PCBD2: variants seen among roughly 807,000 people sequenced by gnomAD.
PCBD2 encodes pterin-4 alpha-carbinolamine dehydratase 2.
In PCBD2, 12 loss-of-function variants were observed where a neutral mutation model predicts 16.4. The observed-to-expected ratio is 0.73, with a 90% CI of 0.47 to 1.19. PCBD2 has a LOEUF of 1.19. Ranked by LOEUF, PCBD2 falls within the 50% of genes most tolerant of loss-of-function variation. PCBD2 has a pLI of 0.00. For synonymous variants in PCBD2, 58 were observed against 61.8 expected (o/e 0.94, Z 0.29); for missense variants, 138 against 156.8 (o/e 0.88, Z 0.64).
chr5:134,953,386 A>G (rs899371335), intron 2 of PCBD2, among the ~76,000 whole-genome samples: 4 of 149,048 alleles, frequency 2.7e-5, no homozygotes, highest in African/African-American at 9.8e-5. Context: ...TATCGTATAT[A>G]TATATAATAC....
chr5:134,905,316 C>A, intron 1 of PCBD2, 93 bp downstream of exon 1: 1 of 1,107,112 alleles, frequency 9.0e-7, no homozygotes, highest in Non-Finnish European at 1.1e-6. Flanking sequence ...GGGACTGGGG[C>A]GAACCCGGCG....
intron 2 of PCBD2, among the ~76,000 whole-genome samples, chr5:134,939,819 A>G (rs2149537127): frequency 6.6e-6 from 1 of 152,318 alleles, no homozygotes; most frequent in East Asian, 1.9e-4. Flanking sequence ...GAGGTCCTTT[A>G]TGCCAGACAG....
At chr5:134,921,797 C>G (rs1750906826) in intron 2 of PCBD2, among the ~76,000 whole-genome samples, 1 of 152,210 alleles carries the variant, frequency 6.6e-6, no homozygotes, top group Non-Finnish European at 1.5e-5. Flanking sequence ...ATACAGCTGC[C>G]TTCCCTCTAG....
rs889676732 is a variant in PCBD2, at chr5:134,936,149, C to G, written c.217-22891C>G. On this transcript the variant is annotated intron_variant, in intron 2 of 3. Transcript: ENST00000254908. ...TGATGTGGAACCTTGTAAAATATTT[C>G]TTGGCGAATTTTAATGTCTTTTTTG... is the stretch of plus-strand genomic sequence containing the variant. 2.6e-5 allele frequency among the ~76,000 whole-genome samples: 4 copies of G among 152,180 alleles called. No homozygotes were observed. The East Asian group carries it at 7.7e-4, about 29-fold the overall frequency.
chr5:134,941,887 G>A lies in PCBD2; in HGVS notation c.217-17153G>A, dbSNP rs182127632. On this transcript the variant is annotated intron_variant, in intron 2 of 3. Transcript: ENST00000254908. ...TAATCCCAGCACTTTGGGAGGCCGG[G>A]GCGGGTGGATCACGAGGTCAGGAGA... Among the ~76,000 whole-genome samples, 308 of 152,094 alleles carry A rather than the reference G, an allele frequency of 2.0e-3. 18 individuals carry two copies. The East Asian group carries it at 0.051, about 25-fold the overall frequency.
rs1751466869 is a variant in PCBD2 at position 134,960,829 on chromosome 5, T to C, written c.*148T>C. On this transcript the variant is annotated 3_prime_UTR_variant, in exon 4 of 4. Coordinates refer to ENST00000254908, the MANE Select transcript of PCBD2 (RefSeq NM_032151.5). ...TCGCCCAGGCCAGAGTGCAGTGGTA[T>C]GATCTCGGCTCACTGTAACCTCCGC... is the stretch of plus-strand genomic sequence containing the variant. 3.3e-6 allele frequency: 2 copies of C among 608,704 alleles called. No individual in the cohort carries two copies. Among genetic ancestry groups the C allele is most frequent in the African/African-American group, 1.9e-5 (1 of 52,872 alleles). The allele number at this position is 608,704 out of a possible 1,614,324, so 37.7% of individuals were successfully genotyped here.
intron 2 of PCBD2, chr5:134,927,848 G>T (rs1330051078): frequency 2.6e-5 from 7 of 268,732 alleles, no homozygotes; most frequent in Middle Eastern, 1.1e-3. Context: ...TTAGGAGGGG[G>T]GTCGTTAGGG....
At chr5:134,928,442 G>T (rs1451131087) in intron 2 of PCBD2, 1 of 343,340 alleles carries the variant, frequency 2.9e-6, no homozygotes, top group African/African-American at 2.1e-5. Context: ...CAGACTTAGG[G>T]CTAGGATGAT....
intron 1 of PCBD2, among the ~76,000 whole-genome samples, chr5:134,906,194 ATTTTTTTTTTTTTTTT>A: frequency 1.5e-5 from 1 of 66,522 alleles, no homozygotes; most frequent in African/African-American, 6.8e-5. Flanking sequence ...TAATAGAAGA[ATTTTTTTTTTTTTTTT>A]TTTTTTTTTT....
At chr5:134,910,540 C>A in intron 2 of PCBD2, 74 bp downstream of exon 2, 2 of 1,509,610 alleles carry the variant, frequency 1.3e-6, no homozygotes, top group Non-Finnish European at 1.8e-6. Flanking sequence ...TCTGATTCTG[C>A]CAGTTGTCTG....
In PCBD2 at chr5:134,952,648, T is replaced by A. The variant is rs571434320; in HGVS notation, c.217-6392T>A. On this transcript the variant is annotated intron_variant, in intron 2 of 3. Coordinates refer to ENST00000254908, the MANE Select transcript of PCBD2 (RefSeq NM_032151.5). ...ACAAGACCCCATTTCTACAAAAATT[T>A]AAAAAAATTAGCCAGGCATAATGGC... is the stretch of plus-strand genomic sequence containing the variant. Among the ~76,000 whole-genome samples the A allele has an allele frequency of 5.1e-3, 778 of 151,962 alleles. 11 individuals carry two copies. Among genetic ancestry groups the A allele is most frequent in the African/African-American group, 0.017 (695 of 41,438 alleles).
At chr5:134,952,729 C>T (rs887905045) in intron 2 of PCBD2, among the ~76,000 whole-genome samples, 5 of 151,858 alleles carry the variant, frequency 3.3e-5, no homozygotes, top group Non-Finnish European at 7.4e-5. Flanking sequence ...TCCCGTGAGC[C>T]CAGGAGTTCA....
chr5:134,951,864 G>T (rs1385161197), intron 2 of PCBD2, among the ~76,000 whole-genome samples: 1 of 152,076 alleles, frequency 6.6e-6, no homozygotes, highest in Admixed American at 6.6e-5. Flanking sequence ...TGCTAAGGAA[G>T]TATATACTGC....
At chr5:134,944,543 AC>A (rs1751268683) in intron 2 of PCBD2, among the ~76,000 whole-genome samples, 1 of 151,838 alleles carries the variant, frequency 6.6e-6, no homozygotes, top group African/African-American at 2.4e-5. Context: ...AAAAAAAAAA[AC>A]ACAACAACCC....
chr5:134,960,188 C>T (rs748924813), intron 3 of PCBD2, among the ~76,000 whole-genome samples: 5 of 152,118 alleles, frequency 3.3e-5, no homozygotes, highest in Non-Finnish European at 5.9e-5. Flanking sequence ...GCTTTTTAAA[C>T]GTTGCTGCTA....
At chr5:134,956,811 T>C (rs1369190963) in intron 2 of PCBD2, among the ~76,000 whole-genome samples, 2 of 152,226 alleles carry the variant, frequency 1.3e-5, no homozygotes, top group Admixed American at 1.3e-4. Flanking sequence ...GTTTACCTTG[T>C]GTAGTTTGGT....
chr5:134,911,416 C>T (rs1246858658), intron 2 of PCBD2, among the ~76,000 whole-genome samples: 1 of 152,234 alleles, frequency 6.6e-6, no homozygotes, highest in Non-Finnish European at 1.5e-5. Context: ...TATTACACCA[C>T]TGCATTTGTA....
At chr5:134,905,302 CA>C in intron 1 of PCBD2, 79 bp downstream of exon 1, 1 of 1,167,008 alleles carries the variant, frequency 8.6e-7, no homozygotes, top group Non-Finnish European at 1.1e-6. Flanking sequence ...GCTGAGGGAC[CA>C]GCGGGACTGG....
At position 134,918,998 on chromosome 5, in the gene PCBD2, C is replaced by A. The variant is rs368821872; in HGVS notation, c.216+8532C>A. Among the ~76,000 whole-genome samples the A allele has an allele frequency of 2.0e-5, 3 of 152,346 alleles. No individual in the cohort carries two copies. The East Asian group carries it at 5.8e-4, about 29-fold the overall frequency. ...CAGATAGATGAGGAGAAATGTAAAA[C>A]AGGTGTCAACAATGCAAATATGACA... On this transcript the variant is annotated intron_variant, in intron 2 of 3. Transcript: ENST00000254908.
Sources: allele counts gnomAD v4.1 joint callset (sites outside exome capture counted in the v4.1 genomes callset), GRCh38; gene constraint gnomAD v4.1.1; transcripts MANE v1.5; gene names NCBI Gene and HGNC (gene_info 2026-07-23, HGNC 2026-07-21).